PHLPP2: variants seen among roughly 807,000 people sequenced by gnomAD.
PHLPP2 encodes the protein PH domain leucine-rich repeat-containing protein phosphatase 2.
In PHLPP2, 66 loss-of-function variants were observed where a neutral mutation model predicts 124.9. That is an observed-to-expected ratio of 0.53 (90% CI 0.43 to 0.65). PHLPP2 has a LOEUF of 0.65. PHLPP2 is among the 30% of genes least tolerant of loss of function. The probability of loss-of-function intolerance (pLI) is 0.00; values close to 1 mark genes in which losing one functional copy is unlikely to be tolerated. For missense variants in PHLPP2, 1,685 were observed against 1,600.4 expected (o/e 1.05, Z -0.90); for synonymous variants, 681 against 624.7 (o/e 1.09, Z -1.34).
intron 18 of PHLPP2, among the ~76,000 whole-genome samples, chr16:71,650,799 C>T (rs1486899724): frequency 2.0e-5 from 3 of 152,198 alleles, no homozygotes; most frequent in South Asian, 4.1e-4. Flanking sequence ...TGAGCTTATT[C>T]GCCAGAATTT....
rs145376634 is a variant in PHLPP2 at position 71,663,979 on chromosome 16, C to A, written c.1905G>T (p.Gln635His). 4.1e-4 allele frequency: 656 copies of A among 1,614,006 alleles called. 1 individual carries two copies. Among genetic ancestry groups the A allele is most frequent in the Admixed American group, 2.0e-3 (120 of 60,016 alleles). The change falls in exon 13 of 19, where the codon CAG becomes CAT. Residue 635 changes from glutamine to histidine, a missense_variant. By Grantham distance (24) the Gln-to-His change is conservative. Coordinates refer to ENST00000568954, the MANE Select transcript of PHLPP2 (RefSeq NM_015020.3). ...GGTGCCCTACCAGGACAGGTATGCACTGATCCGTCAGGAGATTGTTGGTCA... is the reference window on the plus strand; with the variant it reads ...GGTGCCCTACCAGGACAGGTATGCAATGATCCGTCAGGAGATTGTTGGTCA... ...LYLTNNLLTD[Q>H]CIPVLVGHLH...
chr16:71,689,239 G>C (rs2045083194), intron 4 of PHLPP2, among the ~76,000 whole-genome samples: 1 of 151,738 alleles, frequency 6.6e-6, no homozygotes, highest in Non-Finnish European at 1.5e-5. Context: ...TTAAGAGACA[G>C]GGACTCACTC....
intron 18 of PHLPP2, among the ~76,000 whole-genome samples, chr16:71,651,472 G>A (rs2044696035): frequency 6.6e-6 from 1 of 152,190 alleles, no homozygotes; most frequent in Non-Finnish European, 1.5e-5. Flanking sequence ...GCTAAAGCAG[G>A]AGGATCACTT....
At chr16:71,686,567 T>C (rs540503156) in intron 4 of PHLPP2, among the ~76,000 whole-genome samples, 244 of 152,118 alleles carry the variant, frequency 1.6e-3, no homozygotes, top group Non-Finnish European at 2.8e-3. Context: ...CCCCCAAACT[T>C]CCCTCTGTGC....
chr16:71,652,660 T>A (rs1052732975), intron 18 of PHLPP2, 130 bp downstream of exon 18: 13 of 655,612 alleles, frequency 2.0e-5, no homozygotes, highest in Non-Finnish European at 3.5e-5. Context: ...ACCATCTGCA[T>A]TGAACTTTTA....
intron 1 of PHLPP2, among the ~76,000 whole-genome samples, chr16:71,717,236 A>G (rs1451623832): frequency 6.6e-6 from 1 of 152,228 alleles, no homozygotes; most frequent in African/African-American, 2.4e-5. Context: ...TATAATTACT[A>G]AGATTAAATA....
chr16:71,695,554 C>T (rs2045161044), intron 3 of PHLPP2, among the ~76,000 whole-genome samples: 1 of 151,942 alleles, frequency 6.6e-6, no homozygotes, highest in African/African-American at 2.4e-5. Flanking sequence ...ACTAAAAATA[C>T]AAAAATTAGC....
intron 2 of PHLPP2, among the ~76,000 whole-genome samples, chr16:71,710,494 T>TG (rs2045316743): frequency 6.6e-6 from 1 of 152,210 alleles, no homozygotes; most frequent in Non-Finnish European, 1.5e-5. Flanking sequence ...TGACAATACA[T>TG]GGGCAATGGT....
intron 3 of PHLPP2, among the ~76,000 whole-genome samples, chr16:71,702,014 T>C (rs1411309342): frequency 6.6e-6 from 1 of 152,150 alleles, no homozygotes; most frequent in African/African-American, 2.4e-5. Context: ...GGGACTACCA[T>C]AATGAAGAAC....
rs761341002 is a variant in PHLPP2 at position 71,649,129 on chromosome 16, T to C, written c.3733A>G (p.Ile1245Val). ...TTCAGGCTGTCCTCTAGGGGCACAA[T>C]AGAGCCATTGGAGAGTTTCTTCCCA... ...LYGKKLSNGSIVPLEDSLNLI... is the reference protein window; with the variant it reads ...LYGKKLSNGSVVPLEDSLNLI... Residue 1245 changes from isoleucine to valine, a missense_variant, in exon 19 of 19, where the codon ATT becomes GTT. Coordinates refer to ENST00000568954, the MANE Select transcript of PHLPP2 (RefSeq NM_015020.3). 2.0e-5 allele frequency: 32 copies of C among 1,613,974 alleles called. No homozygotes were observed. Among genetic ancestry groups the C allele is most frequent in the Middle Eastern group, 1.6e-4 (1 of 6,084 alleles).
At chr16:71,714,008 C>T (rs1192429152) in intron 2 of PHLPP2, among the ~76,000 whole-genome samples, 16 of 148,982 alleles carry the variant, frequency 1.1e-4, no homozygotes, top group African/African-American at 3.2e-4. Flanking sequence ...GGCATGATCT[C>T]GGCTCACCGC....
chr16:71,674,914 T>C (rs1243591540), intron 9 of PHLPP2, among the ~76,000 whole-genome samples: 3 of 152,182 alleles, frequency 2.0e-5, no homozygotes, highest in African/African-American at 7.2e-5. Context: ...AGAGAATCGC[T>C]TGAACCTGGG....
chr16:71,715,823 CAAA>C (rs71153656), intron 1 of PHLPP2, among the ~76,000 whole-genome samples: 4 of 113,068 alleles, frequency 3.5e-5, no homozygotes, highest in Non-Finnish European at 5.5e-5. Flanking sequence ...ACTAAAAATA[CAAA>C]AAAAAAAAAA....
intron 1 of PHLPP2, among the ~76,000 whole-genome samples, chr16:71,716,137 T>C (rs1467529526): frequency 6.6e-6 from 1 of 152,248 alleles, no homozygotes. Flanking sequence ...ACTGTGTTAA[T>C]ATACCCAGTT....
At chr16:71,713,364 T>G (rs1029124178) in intron 2 of PHLPP2, among the ~76,000 whole-genome samples, 3 of 152,230 alleles carry the variant, frequency 2.0e-5, no homozygotes, top group Non-Finnish European at 2.9e-5. Flanking sequence ...AAAATAGATA[T>G]ACTTTCATAT....
chr16:71,664,989 A>C (rs1181675342), intron 12 of PHLPP2, among the ~76,000 whole-genome samples: 2 of 152,092 alleles, frequency 1.3e-5, no homozygotes, highest in Admixed American at 6.5e-5. Context: ...ATATATTGCC[A>C]AACTGAGCTC....
At chr16:71,655,126 G>A (rs1448627555) in intron 17 of PHLPP2, 114 bp downstream of exon 17, 10 of 722,884 alleles carry the variant, frequency 1.4e-5, no homozygotes, top group Admixed American at 1.1e-4. Context: ...AGACAACAAC[G>A]TGAGTTCTCT....
Position 71,656,622 on chromosome 16 carries a change from G to GT in PHLPP2, c.2338dup (p.Thr780AsnfsTer11). 1 of 1,613,654 alleles carries GT rather than the reference G, an allele frequency of 6.2e-7. No individual in the cohort carries two copies. Among genetic ancestry groups the GT allele is most frequent in the Non-Finnish European group, 8.5e-7 (1 of 1,179,628 alleles). On this transcript the variant is annotated frameshift_variant, in exon 16 of 19. Coordinates refer to ENST00000568954, the MANE Select transcript of PHLPP2 (RefSeq NM_015020.3). LOFTEE classifies it high-confidence loss of function. The stretch of plus-strand genomic sequence containing the variant: ...CAGTCCATGGCTCCAGAAGGTTGAC[G>GT]TAACTGTAGAATCTGTGGTTGGCAA...
At position 71,648,964 on chromosome 16, in the gene PHLPP2, C is replaced by T; in HGVS notation, c.3898G>A (p.Asp1300Asn). ...EVKEQMKQHQ[D>N]SRLEPEPHEE... ...TGGGGCTCAGGCTCGAGCCGGCTGT[C>T]CTGGTGCTGTTTCATTTGTTCCTTC... Residue 1300 changes from aspartate (D) to asparagine (N), a missense_variant, in exon 19 of 19, where the codon GAC becomes AAC. Coordinates refer to ENST00000568954, the MANE Select transcript of PHLPP2 (RefSeq NM_015020.3). 4 of 1,613,964 alleles carry T rather than the reference C, an allele frequency of 2.5e-6. No individual in the cohort carries two copies. Among genetic ancestry groups the T allele is most frequent in the Admixed American group, 1.7e-5 (1 of 60,014 alleles).
Sources: gnomAD v4.1 joint callset for allele counts (sites outside exome capture counted in the v4.1 genomes callset) on GRCh38, gnomAD v4.1.1 for gene constraint, MANE v1.5 for transcripts, NCBI Gene and HGNC (gene_info 2026-07-23, HGNC 2026-07-21) for gene names.